The following GPHN variants were observed in gnomAD, a reference collection of about 807,000 sequenced individuals.
GPHN encodes gephyrin.
Under a neutral mutation model 95.5 loss-of-function variants are expected in GPHN, and 17 were observed. The observed-to-expected ratio is 0.18, with a 90% CI of 0.12 to 0.27. GPHN has a LOEUF of 0.27. Ranked by LOEUF, GPHN falls within the 10% of genes least tolerant of loss-of-function variation. The pLI is 1.00. For synonymous variants in GPHN, 320 were observed against 322.5 expected (o/e 0.99, Z 0.08); for missense variants, 660 against 978.1 (o/e 0.67, Z 4.34).
the GPHN span, among the ~76,000 whole-genome samples, chr14:67,196,342 G>A: frequency 2.0e-5 from 3 of 151,482 alleles, no homozygotes; most frequent in Non-Finnish European, 4.4e-5. Context: ...TCAGTCTCCC[G>A]AATAGCTGGG....
chr14:67,658,571 T>C, the GPHN span, among the ~76,000 whole-genome samples: 5 of 152,210 alleles, frequency 3.3e-5, no homozygotes, highest in Non-Finnish European at 7.3e-5. Context: ...CACTCCAGCC[T>C]GGGTGACAGA....
the GPHN span, chr14:67,583,990 A>C: frequency 1.7e-5 from 27 of 1,613,874 alleles, no homozygotes; most frequent in Admixed American, 5.0e-5. Context: ...ATCTGCCCAC[A>C]CCAGGCACCT....
chr14:66,770,836 T>C (rs2059140066), intron 2 of GPHN, among the ~76,000 whole-genome samples: 1 of 144,810 alleles, frequency 6.9e-6, no homozygotes, highest in Non-Finnish European at 1.5e-5. Context: ...TTATTATTGT[T>C]CTTAATCTAT....
chr14:66,511,876 A>G (rs2058054167), intron 1 of GPHN, among the ~76,000 whole-genome samples: 1 of 152,044 alleles, frequency 6.6e-6, no homozygotes, highest in Non-Finnish European at 1.5e-5. Context: ...ACATATATGT[A>G]TATAAAATAG....
the GPHN span, among the ~76,000 whole-genome samples, chr14:67,718,097 G>A: frequency 6.6e-6 from 1 of 152,160 alleles, no homozygotes; most frequent in Non-Finnish European, 1.5e-5. Context: ...ACAAAAAAAT[G>A]TGCTTCCATT....
At chr14:67,417,854 C>G in the GPHN span, among the ~76,000 whole-genome samples, 1 of 152,160 alleles carries the variant, frequency 6.6e-6, no homozygotes, top group Non-Finnish European at 1.5e-5. Flanking sequence ...AGCAATCTTC[C>G]CACTTCAGAT....
the GPHN span, among the ~76,000 whole-genome samples, chr14:67,437,536 C>T: frequency 6.6e-6 from 1 of 152,148 alleles, no homozygotes; most frequent in Non-Finnish European, 1.5e-5. Context: ...ATGTCCAAAC[C>T]TCACGGCGGC....
At chr14:66,918,579 G>A (rs2066035430) in intron 6 of GPHN, among the ~76,000 whole-genome samples, 1 of 152,186 alleles carries the variant, frequency 6.6e-6, no homozygotes, top group East Asian at 1.9e-4. Flanking sequence ...AAAGCTTTGT[G>A]TGAAATCTTG....
At chr14:67,690,534 C>A in the GPHN span, 2 of 848,926 alleles carry the variant, frequency 2.4e-6, no homozygotes, top group South Asian at 1.6e-5. Flanking sequence ...AGGTCTTTCC[C>A]TCCAACTTTT....
chr14:67,131,883 G>A (rs2079739272), intron 17 of GPHN, among the ~76,000 whole-genome samples: 1 of 152,022 alleles, frequency 6.6e-6, no homozygotes, highest in Non-Finnish European at 1.5e-5. Context: ...TCAACTTTAT[G>A]ACAGCTCAGC....
chr14:66,930,208 T>C (rs1377442296), intron 8 of GPHN, among the ~76,000 whole-genome samples: 1 of 152,188 alleles, frequency 6.6e-6, no homozygotes, highest in Non-Finnish European at 1.5e-5. Context: ...TCTAGTTCTT[T>C]GTGGTCTTCT....
At chr14:67,282,874 A>G in the GPHN span, among the ~76,000 whole-genome samples, 1 of 152,144 alleles carries the variant, frequency 6.6e-6, no homozygotes, top group Admixed American at 6.5e-5. Flanking sequence ...GGTAATTTTC[A>G]TATATTTCTA....
chr14:67,562,048 G>GGGTGTGCA, the GPHN span: 3 of 1,612,994 alleles, frequency 1.9e-6, no homozygotes, highest in Admixed American at 1.7e-5. Context: ...AGGCAGGCCA[G>GGGTGTGCA]GGTGTGCAGG....
intron 17 of GPHN, among the ~76,000 whole-genome samples, chr14:67,130,875 T>C (rs2153697263): frequency 6.6e-6 from 1 of 152,336 alleles, no homozygotes; most frequent in African/African-American, 2.4e-5. Context: ...ATCATATCCC[T>C]AAACATATGT....
At chr14:67,425,836 C>A in the GPHN span, among the ~76,000 whole-genome samples, 1 of 151,954 alleles carries the variant, frequency 6.6e-6, no homozygotes, top group Non-Finnish European at 1.5e-5. Flanking sequence ...CTCTGCTGAT[C>A]TGATAGTATC....
the GPHN span, among the ~76,000 whole-genome samples, chr14:67,617,693 T>G: frequency 1.8e-4 from 28 of 152,304 alleles, no homozygotes; most frequent in South Asian, 1.0e-3. Flanking sequence ...CCACAGTAAA[T>G]GCTCAAGAAG....
At chr14:67,602,866 A>T in the GPHN span, among the ~76,000 whole-genome samples, 1 of 152,170 alleles carries the variant, frequency 6.6e-6, no homozygotes, top group South Asian at 2.1e-4. Flanking sequence ...AAAGAGAAAC[A>T]TATCACTGTA....
chr14:67,319,610 T>TAAAAAA, the GPHN span, among the ~76,000 whole-genome samples: 1 of 128,608 alleles, frequency 7.8e-6, no homozygotes. Context: ...GCTGATGAGC[T>TAAAAAA]AAAAAAAAAA....
At chr14:66,745,148 A>C (rs187441726) in intron 2 of GPHN, among the ~76,000 whole-genome samples, 2 of 152,028 alleles carry the variant, frequency 1.3e-5, no homozygotes, top group African/African-American at 2.4e-5. Flanking sequence ...TTATACTTCA[A>C]CTCTCTTATT....
Sources: allele counts gnomAD v4.1 joint callset (sites outside exome capture counted in the v4.1 genomes callset), GRCh38; gene constraint gnomAD v4.1.1; transcripts MANE v1.5; gene names NCBI Gene and HGNC (gene_info 2026-07-23, HGNC 2026-07-21).